PALM2AKAP2: variants seen among roughly 807,000 people sequenced by gnomAD.
The protein encoded by PALM2AKAP2 is PALM2 and AKAP2 fusion, also known as PALM2-AKAP2 fusion protein.
A neutral mutation model predicts 71.5 loss-of-function variants in PALM2AKAP2; 37 were observed. The ratio of observed to expected loss-of-function variants is 0.52; its 90% CI spans 0.40 to 0.68. The LOEUF (loss-of-function observed/expected upper bound fraction) is 0.68. Among genes scored for constraint, PALM2AKAP2 ranks in the 30% least tolerant of loss-of-function variants. The probability of loss-of-function intolerance (pLI) is 0.00; values close to 1 mark genes in which losing one functional copy is unlikely to be tolerated. For missense variants in PALM2AKAP2, 1,224 were observed against 1,191.8 expected (o/e 1.03, Z -0.40); for synonymous variants, 468 against 478.8 (o/e 0.98, Z 0.29).
chr9:109,815,678 A>G (rs551799515), intron 1 of PALM2AKAP2, among the ~76,000 whole-genome samples: 3 of 152,356 alleles, frequency 2.0e-5, no homozygotes, highest in African/African-American at 7.2e-5. Flanking sequence ...GGTGGCCCTC[A>G]CAAGAATGGA....
At chr9:109,842,939 G>C (rs1200892423) in intron 1 of PALM2AKAP2, among the ~76,000 whole-genome samples, 2 of 151,964 alleles carry the variant, frequency 1.3e-5, no homozygotes, top group Admixed American at 1.3e-4. Context: ...TCGGGAGTTC[G>C]AGACCAGACC....
At chr9:109,939,163 C>T (rs926100236) in intron 6 of PALM2AKAP2, among the ~76,000 whole-genome samples, 2 of 152,176 alleles carry the variant, frequency 1.3e-5, no homozygotes, top group Admixed American at 6.5e-5. Flanking sequence ...ACAAAATACT[C>T]CTTCTCTATG....
intron 6 of PALM2AKAP2, among the ~76,000 whole-genome samples, chr9:109,993,304 G>C (rs1394759464): frequency 6.6e-6 from 1 of 151,944 alleles, no homozygotes; most frequent in African/African-American, 2.4e-5. Flanking sequence ...CTTCTGCATA[G>C]TGTTTCCACT....
At chr9:109,706,895 G>A (rs1388334581) in intron 1 of PALM2AKAP2, among the ~76,000 whole-genome samples, 1 of 152,186 alleles carries the variant, frequency 6.6e-6, no homozygotes, top group East Asian at 1.9e-4. Context: ...GTTTCCTAGA[G>A]CTGAGTGTGG....
Position 110,033,935 on chromosome 9 carries a change from A to G in PALM2AKAP2, c.582+17896A>G, listed in dbSNP as rs113541568. 3.7e-3 allele frequency among the ~76,000 whole-genome samples: 569 copies of G among 152,322 alleles called. 5 individuals carry two copies. The highest frequency in any genetic ancestry group is 0.013 in the African/African-American group (548 of 41,574). ...CCAATGAGTTCCATGAACTCATGAT[A>G]TAGATACTATACACTTGTTCTTATT... is the stretch of plus-strand genomic sequence containing the variant. On this transcript the variant is annotated intron_variant, in intron 7 of 9. Coordinates refer to the PALM2AKAP2 transcript ENST00000302798.
chr9:109,779,357 A>C (rs1378172649), upstream of PALM2AKAP2, among the ~76,000 whole-genome samples: 4 of 152,242 alleles, frequency 2.6e-5, no homozygotes, highest in Admixed American at 1.3e-4. Context: ...GAAATATTTT[A>C]GTGAGTAGAT....
intron 1 of PALM2AKAP2, among the ~76,000 whole-genome samples, chr9:109,821,332 G>C (rs747926220): frequency 6.6e-6 from 1 of 152,054 alleles, no homozygotes; most frequent in African/African-American, 2.4e-5. Flanking sequence ...AAATTATAAT[G>C]AAACAACAAC....
intron 6 of PALM2AKAP2, among the ~76,000 whole-genome samples, chr9:109,970,008 A>G (rs11794102): frequency 0.12 from 17,675 of 152,228 alleles, 1,339 homozygotes; most frequent in African/African-American, 0.2. Context: ...AGTGCAACAC[A>G]GGAAGTGCCC....
chr9:109,773,114 T>C (rs1261576745), intron 1 of PALM2AKAP2, among the ~76,000 whole-genome samples: 1 of 150,730 alleles, frequency 6.6e-6, no homozygotes, highest in East Asian at 1.9e-4. Context: ...CAAGACTCCA[T>C]CTCAAAAAAA....
intron 1 of PALM2AKAP2, among the ~76,000 whole-genome samples, chr9:109,826,011 G>A (rs1294599675): frequency 6.6e-6 from 1 of 152,126 alleles, no homozygotes; most frequent in East Asian, 1.9e-4. Flanking sequence ...TGGCACATAT[G>A]CACAATGGAA....
intron 1 of PALM2AKAP2, among the ~76,000 whole-genome samples, chr9:109,658,804 A>C (rs1489835328): frequency 1.3e-5 from 2 of 152,218 alleles, no homozygotes; most frequent in African/African-American, 4.8e-5. Context: ...AATATAAAAA[A>C]TCAATTTCAT....
chr9:109,718,519 C>T (rs1828361898), intron 1 of PALM2AKAP2, among the ~76,000 whole-genome samples: 2 of 152,146 alleles, frequency 1.3e-5, no homozygotes, highest in Admixed American at 6.5e-5. Context: ...TGGATGTGGA[C>T]TGTGCTGGGC....
rs114535193 is a variant in PALM2AKAP2 at position 109,656,519 on chromosome 9, A to G, written c.5+15653A>G. The stretch of plus-strand genomic sequence containing the variant: ...GGCTCTTAAGCTTCAGTGGGTCCAC[A>G]GTGATCTGTCTCTGAGTGCTGTAGC... On this transcript the variant is annotated intron_variant, in intron 1 of 6. Coordinates refer to the PALM2AKAP2 transcript ENST00000374531. Among the ~76,000 whole-genome samples, 674 of 152,336 alleles carry G rather than the reference A, an allele frequency of 4.4e-3. 8 individuals carry two copies. The highest frequency in any genetic ancestry group is 0.016 in the African/African-American group (651 of 41,574).
At chr9:109,725,810 G>A (rs1051086875) in intron 1 of PALM2AKAP2, among the ~76,000 whole-genome samples, 10 of 152,114 alleles carry the variant, frequency 6.6e-5, no homozygotes, top group Non-Finnish European at 1.5e-4. Flanking sequence ...AAAGTAATAA[G>A]TTTTTATTGG....
intron 1 of PALM2AKAP2, among the ~76,000 whole-genome samples, chr9:109,714,269 G>C (rs773965853): frequency 1.8e-4 from 27 of 152,070 alleles, no homozygotes; most frequent in Non-Finnish European, 3.7e-4. Context: ...TACCACCTTA[G>C]GTTCATTACG....
Position 110,034,358 on chromosome 9 carries a change from A to T in PALM2AKAP2, c.582+18319A>T, listed in dbSNP as rs187386433. On this transcript the variant is annotated intron_variant, in intron 7 of 9. Transcript: ENST00000302798. ...TTTTTAGTAGAGACAGGGTTTCTCC[A>T]TGTTGTTCAGGCTGGCCTCAAACTC... Among the ~76,000 whole-genome samples, 9 of 152,142 alleles carry T rather than the reference A, an allele frequency of 5.9e-5. 1 individual carries two copies. The East Asian group carries it at 1.7e-3, about 30-fold the overall frequency.
At chr9:110,082,256 A>G (rs1157254895) in intron 1 of PALM2AKAP2, among the ~76,000 whole-genome samples, 1 of 152,080 alleles carries the variant, frequency 6.6e-6, no homozygotes, top group Admixed American at 6.6e-5. Context: ...GGGTTTCACC[A>G]TGTTGGCCAG....
intron 1 of PALM2AKAP2, among the ~76,000 whole-genome samples, chr9:109,743,309 C>CT (rs1294975236): frequency 2.6e-5 from 4 of 152,132 alleles, no homozygotes; most frequent in Non-Finnish European, 4.4e-5. Context: ...GGGATTGTAG[C>CT]TTTTCATGCA....
intron 1 of PALM2AKAP2, among the ~76,000 whole-genome samples, chr9:109,854,510 T>A (rs984042856): frequency 6.6e-6 from 1 of 152,186 alleles, no homozygotes; most frequent in Non-Finnish European, 1.5e-5. Flanking sequence ...TTTTCCATGT[T>A]AGCCTACCTA....
Sources: gnomAD v4.1 joint callset for allele counts (sites outside exome capture counted in the v4.1 genomes callset) on GRCh38, gnomAD v4.1.1 for gene constraint, MANE v1.5 for transcripts, NCBI Gene and HGNC (gene_info 2026-07-23, HGNC 2026-07-21) for gene names.